Variants in CCSER1 observed in about 807,000 individuals in gnomAD.
The protein encoded by CCSER1 is coiled-coil serine rich protein 1.
Under a neutral mutation model 82.0 loss-of-function variants are expected in CCSER1, and 41 were observed. The observed-to-expected ratio is 0.50, with a 90% CI of 0.39 to 0.65. CCSER1 has a LOEUF of 0.65. Among genes scored for constraint, CCSER1 ranks in the 30% least tolerant of loss-of-function variants. The pLI, the probability that CCSER1 is intolerant of heterozygous loss-of-function variation, is 0.00. For synonymous variants in CCSER1, 414 were observed against 383.9 expected (o/e 1.08, Z -0.92); for missense variants, 1,119 against 1,064.2 (o/e 1.05, Z -0.72).
intron 10 of CCSER1, among the ~76,000 whole-genome samples, chr4:91,179,211 CTTTCTG>C (rs1374612982): frequency 6.6e-6 from 1 of 152,206 alleles, no homozygotes; most frequent in Non-Finnish European, 1.5e-5. Context: ...GTAACCCAAC[CTTTCTG>C]TCTGGCTGCC....
intron 10 of CCSER1, among the ~76,000 whole-genome samples, chr4:91,502,347 T>A (rs1415070254): frequency 2.0e-5 from 3 of 152,196 alleles, no homozygotes; most frequent in African/African-American, 7.2e-5. Flanking sequence ...TATTTATCCT[T>A]ACAATACATA....
At chr4:91,325,204 C>T (rs1346705742) in intron 10 of CCSER1, 2 of 455,888 alleles carry the variant, frequency 4.4e-6, no homozygotes, top group African/African-American at 4.0e-5. Flanking sequence ...TGGCTCTTGC[C>T]ATTATTGTAA....
At position 91,263,159 on chromosome 4, in the gene CCSER1, G is replaced by T. The variant is rs565430807; in HGVS notation, c.2217+177165G>T. Among the ~76,000 whole-genome samples the T allele has an allele frequency of 2.0e-4, 31 of 152,064 alleles. No homozygotes were observed. In the East Asian group the frequency reaches 2.7e-3, roughly 13 times the overall value. On this transcript the variant is annotated intron_variant, in intron 10 of 10. Coordinates refer to ENST00000509176, the MANE Select transcript of CCSER1 (RefSeq NM_001145065.2). ...TTGCTGCTTGCTCAAGCATATCCTA[G>T]AAAAAAGCAATCAAAATAGCTATGC...
At chr4:91,363,661 T>A (rs2149315454) in intron 10 of CCSER1, among the ~76,000 whole-genome samples, 1 of 151,892 alleles carries the variant, frequency 6.6e-6, no homozygotes, top group East Asian at 1.9e-4. Flanking sequence ...TTAGAGCTTT[T>A]GGTGAACAAG....
chr4:91,465,499 G>A (rs374010809), intron 10 of CCSER1, among the ~76,000 whole-genome samples: 1 of 152,076 alleles, frequency 6.6e-6, no homozygotes, highest in East Asian at 1.9e-4. Context: ...AAATAACTAA[G>A]ATCAGAGCAG....
At chr4:90,363,618 A>G (rs566874646) in intron 3 of CCSER1, among the ~76,000 whole-genome samples, 5 of 150,688 alleles carry the variant, frequency 3.3e-5, no homozygotes, top group Non-Finnish European at 7.4e-5. Flanking sequence ...GAAAAAAAAA[A>G]TCTTAAGATT....
intron 9 of CCSER1, among the ~76,000 whole-genome samples, chr4:91,025,476 G>A (rs1319244095): frequency 1.3e-5 from 2 of 152,094 alleles, no homozygotes; most frequent in African/African-American, 4.8e-5. Context: ...ATATGCTGGG[G>A]CTTCAGGAAC....
chr4:91,193,471 G>C (rs1276562894), intron 10 of CCSER1, among the ~76,000 whole-genome samples: 1 of 152,234 alleles, frequency 6.6e-6, no homozygotes, highest in Non-Finnish European at 1.5e-5. Context: ...AGTCCTAGCT[G>C]TGCACTCTGT....
intron 1 of CCSER1, among the ~76,000 whole-genome samples, chr4:90,295,755 G>C (rs1277333213): frequency 6.6e-6 from 1 of 152,030 alleles, no homozygotes; most frequent in Non-Finnish European, 1.5e-5. Flanking sequence ...TAGTGCTCCA[G>C]AGCTTTCCCA....
chr4:90,856,680 A>C (rs1290528303), intron 8 of CCSER1, among the ~76,000 whole-genome samples: 4 of 152,310 alleles, frequency 2.6e-5, no homozygotes, highest in South Asian at 2.1e-4. Flanking sequence ...ATAACTCATT[A>C]GCTTGTGACT....
At chr4:90,211,344 A>G (rs1335737654) in intron 1 of CCSER1, among the ~76,000 whole-genome samples, 1 of 152,232 alleles carries the variant, frequency 6.6e-6, no homozygotes, top group African/African-American at 2.4e-5. Flanking sequence ...CAGAGAAGAC[A>G]TGGTTAGTCC....
At chr4:91,120,850 A>G (rs1011970229) in intron 10 of CCSER1, among the ~76,000 whole-genome samples, 1 of 151,886 alleles carries the variant, frequency 6.6e-6, no homozygotes, top group South Asian at 2.1e-4. Context: ...CTAACAAAAT[A>G]AAACCAGGAA....
At chr4:90,322,471 A>C (rs1370758437) in intron 3 of CCSER1, among the ~76,000 whole-genome samples, 1 of 151,998 alleles carries the variant, frequency 6.6e-6, no homozygotes, top group Non-Finnish European at 1.5e-5. Context: ...GGGTATTTTG[A>C]ATTGTTACAT....
chr4:91,059,306 AC>A (rs1175711383), intron 9 of CCSER1, among the ~76,000 whole-genome samples: 1 of 149,322 alleles, frequency 6.7e-6, no homozygotes. Flanking sequence ...GTATATATAT[AC>A]GTGTATATAT....
intron 1 of CCSER1, among the ~76,000 whole-genome samples, chr4:90,297,426 A>C (rs1015446097): frequency 6.6e-6 from 1 of 152,020 alleles, no homozygotes; most frequent in African/African-American, 2.4e-5. Context: ...ATATATAATC[A>C]TGTCATCTGC....
At chr4:90,634,307 C>CATTTAA (rs1560852701) in intron 6 of CCSER1, among the ~76,000 whole-genome samples, 1 of 151,642 alleles carries the variant, frequency 6.6e-6, no homozygotes, top group Non-Finnish European at 1.5e-5. Context: ...GCAAAAGACC[C>CATTTAA]GCCATTGATT....
At chr4:90,570,959 A>G (rs1045774733) in intron 5 of CCSER1, among the ~76,000 whole-genome samples, 3 of 152,188 alleles carry the variant, frequency 2.0e-5, no homozygotes, top group African/African-American at 7.2e-5. Flanking sequence ...AAAACATACA[A>G]GCAGCTAACA....
At chr4:90,144,833 C>T (rs115422454) in intron 1 of CCSER1, among the ~76,000 whole-genome samples, 2,663 of 152,078 alleles carry the variant, frequency 0.018, 36 homozygotes, top group Non-Finnish European at 0.029. Context: ...AGTTCAAATG[C>T]CCCATTTATT....
chr4:91,300,055 T>A (rs182451684), intron 10 of CCSER1, among the ~76,000 whole-genome samples: 1 of 152,088 alleles, frequency 6.6e-6, no homozygotes, highest in African/African-American at 2.4e-5. Context: ...GGCCATTTTG[T>A]TGCCTTGACT....
Sources: gnomAD v4.1 joint callset for allele counts (sites outside exome capture counted in the v4.1 genomes callset) on GRCh38, gnomAD v4.1.1 for gene constraint, MANE v1.5 for transcripts, NCBI Gene and HGNC (gene_info 2026-07-23, HGNC 2026-07-21) for gene names.